FYB1: variants seen among roughly 807,000 people sequenced by gnomAD.
FYB1 encodes the protein FYN binding protein 1.
A neutral mutation model predicts 94.1 loss-of-function variants in FYB1; 41 were observed. The observed-to-expected ratio is 0.44, with a 90% CI of 0.34 to 0.57. The LOEUF is 0.57. FYB1 is among the 20% of genes least tolerant of loss of function. The pLI is 0.02. For missense variants in FYB1, 1,050 were observed against 976.8 expected (o/e 1.07, Z -1.00); for synonymous variants, 367 against 353.2 (o/e 1.04, Z -0.44).
intron 9 of FYB1, among the ~76,000 whole-genome samples, chr5:39,131,696 T>C (rs750579335): frequency 1.3e-4 from 20 of 152,360 alleles, no homozygotes; most frequent in Admixed American, 7.8e-4. Context: ...TTATTTTTCC[T>C]GACTCTTCCC....
chr5:39,131,980 G>C (rs995058709), intron 9 of FYB1, among the ~76,000 whole-genome samples: 7 of 152,212 alleles, frequency 4.6e-5, no homozygotes, highest in African/African-American at 9.6e-5. Context: ...ACGAGAGGGA[G>C]AGAGAGAGAT....
At chr5:39,119,882 C>A (rs1739925785) in intron 14 of FYB1, among the ~76,000 whole-genome samples, 1 of 151,998 alleles carries the variant, frequency 6.6e-6, no homozygotes, top group Admixed American at 6.6e-5. Flanking sequence ...TTATACTGAA[C>A]CATATAAAAT....
chr5:39,259,793 T>A (rs1301926294), intron 1 of FYB1, among the ~76,000 whole-genome samples: 1 of 152,086 alleles, frequency 6.6e-6, no homozygotes, highest in Non-Finnish European at 1.5e-5. Flanking sequence ...AGAGAAACAA[T>A]TCCAAAAATT....
intron 13 of FYB1, among the ~76,000 whole-genome samples, chr5:39,123,599 G>A (rs1328592485): frequency 1.3e-5 from 2 of 152,086 alleles, no homozygotes; most frequent in African/African-American, 4.8e-5. Context: ...AAGTTCTAAT[G>A]TCAGATAAAG....
In FYB1 at chr5:39,139,246, C is replaced by T; in HGVS notation, c.1346G>A (p.Gly449Glu). 1 of 1,460,070 alleles carries T rather than the reference C, an allele frequency of 6.8e-7. No homozygotes were observed. The highest frequency in any genetic ancestry group is 9.3e-7 in the Non-Finnish European group (1 of 1,080,254). 90.4% of individuals were successfully genotyped at this position (1,460,070 alleles called of 1,614,324 possible). A position where few individuals can be genotyped will look rare whatever the true frequency, so the allele number is the denominator to read the frequency against. The stretch of plus-strand genomic sequence containing the variant: ...AAAAAATCTGACCTCATCTAGATTT[C>T]CAGCACCTAAAAGATTAAAAAAATA... The part of the protein sequence containing the change: ...QDGVTHSDGA[G>E]NLDEEQDSEG... Residue 449 changes from glycine to glutamate, a missense_variant, in exon 5 of 19, where the codon GGA (glycine) becomes GAA (glutamate). Physicochemically the swap from Gly to Glu is moderately conservative, Grantham distance 98. Coordinates refer to ENST00000512982, the MANE Select transcript of FYB1 (RefSeq NM_001465.6).
chr5:39,271,859 G>T (rs1175185822), intron 1 of FYB1, among the ~76,000 whole-genome samples: 1 of 152,030 alleles, frequency 6.6e-6, no homozygotes, highest in African/African-American at 2.4e-5. Flanking sequence ...CATGCTTAAT[G>T]AATGAATAGA....
rs528320594 is a variant in FYB1, at chr5:39,243,173, T to G, written c.-28+31230A>C. Among the ~76,000 whole-genome samples the G allele has an allele frequency of 7.9e-5, 12 of 152,168 alleles. No homozygotes were observed. In the South Asian group the frequency reaches 2.3e-3, roughly 29 times the overall value. On this transcript the variant is annotated intron_variant, in intron 1 of 1. Transcript: ENST00000510188. ...GATCCCATTTGTCAATTTTGGCTTT[T>G]GTTGCCATTGCTTTTGGTGTTTTAG... is the stretch of plus-strand genomic sequence containing the variant.
At chr5:39,113,348 G>T (rs1002302691) in intron 16 of FYB1, among the ~76,000 whole-genome samples, 18 of 152,066 alleles carry the variant, frequency 1.2e-4, no homozygotes, top group African/African-American at 4.3e-4. Context: ...CTGTAATATT[G>T]TGAGTGCGGT....
intron 1 of FYB1, among the ~76,000 whole-genome samples, chr5:39,259,024 G>T (rs1752101757): frequency 6.6e-6 from 1 of 152,154 alleles, no homozygotes; most frequent in Admixed American, 6.5e-5. Context: ...TGCTGAGATT[G>T]TGTTGGTATA....
chr5:39,203,103 A>T, intron 1 of FYB1, 116 bp from the exon 2 acceptor site: 1 of 819,454 alleles, frequency 1.2e-6, no homozygotes, highest in African/African-American at 1.7e-5. Context: ...CTGATTGGTT[A>T]GCAAGATATT....
chr5:39,158,348 C>A (rs1288029094), intron 2 of FYB1, among the ~76,000 whole-genome samples: 2 of 152,186 alleles, frequency 1.3e-5, no homozygotes, highest in Non-Finnish European at 2.9e-5. Context: ...TCAGTGGGTG[C>A]TCAGTGGTTA....
intron 3 of FYB1, 114 bp downstream of exon 3, chr5:39,153,334 C>G (rs1743422283): frequency 1.5e-6 from 2 of 1,317,676 alleles, no homozygotes; most frequent in Non-Finnish European, 2.2e-6. Flanking sequence ...TGCCAGCTGC[C>G]CACTTTTGTA....
chr5:39,177,630 T>C (rs1342017407), intron 2 of FYB1, among the ~76,000 whole-genome samples: 3 of 152,222 alleles, frequency 2.0e-5, no homozygotes, highest in Non-Finnish European at 4.4e-5. Context: ...TTTCCCACAG[T>C]GAGTTTTACA....
At chr5:39,172,276 T>C (rs1235847065) in intron 2 of FYB1, among the ~76,000 whole-genome samples, 2 of 152,000 alleles carry the variant, frequency 1.3e-5, no homozygotes. Flanking sequence ...TGAAACTCTG[T>C]CTCTACTAAA....
chr5:39,234,458 T>C (rs1217062977), intron 1 of FYB1, among the ~76,000 whole-genome samples: 1 of 152,158 alleles, frequency 6.6e-6, no homozygotes, highest in Non-Finnish European at 1.5e-5. Flanking sequence ...CAATTAAAAA[T>C]TACATAGTTG....
At chr5:39,274,381 A>C (rs967776281) in intron 1 of FYB1, 1 of 152,186 alleles carries the variant, frequency 6.6e-6, no homozygotes, top group Non-Finnish European at 1.5e-5. Context: ...CTGAGATAGA[A>C]CAGAGGGATG....
At chr5:39,153,980 C>A (rs529452863) in intron 2 of FYB1, among the ~76,000 whole-genome samples, 5 of 152,008 alleles carry the variant, frequency 3.3e-5, no homozygotes, top group African/African-American at 1.2e-4. Flanking sequence ...GAGATGAAGT[C>A]TTGATATGTC....
intron 1 of FYB1, among the ~76,000 whole-genome samples, chr5:39,270,019 G>A (rs1752605808): frequency 6.6e-6 from 1 of 152,130 alleles, no homozygotes; most frequent in East Asian, 1.9e-4. Context: ...TTTTAAGTAT[G>A]CTCCAAATAA....
At chr5:39,107,527 A>G (rs991027222) in intron 18 of FYB1, 62 bp from the exon 19 acceptor site, 1 of 1,222,836 alleles carries the variant, frequency 8.2e-7, no homozygotes, top group East Asian at 2.7e-5. Context: ...AAGTATTCCA[A>G]GTTTGGAAAT....
Sources: allele counts gnomAD v4.1 joint callset (sites outside exome capture counted in the v4.1 genomes callset), GRCh38; gene constraint gnomAD v4.1.1; transcripts MANE v1.5; gene names NCBI Gene and HGNC (gene_info 2026-07-23, HGNC 2026-07-21).